Variants in RBFOX1 observed in about 807,000 individuals in gnomAD.
The protein encoded by RBFOX1 is RNA binding fox-1 homolog 1.
A neutral mutation model predicts 57.7 loss-of-function variants in RBFOX1; 8 were observed. The observed-to-expected ratio is 0.14, with a 90% CI of 0.08 to 0.25. The LOEUF is 0.25. RBFOX1 is among the 10% of genes least tolerant of loss of function. The probability of loss-of-function intolerance (pLI) is 1.00; values close to 1 mark genes in which losing one functional copy is unlikely to be tolerated. For synonymous variants in RBFOX1, 326 were observed against 222.4 expected, an observed-to-expected ratio of 1.47 and a Z score of -4.15; for missense variants, 611 against 548.5, an observed-to-expected ratio of 1.11 and a Z score of -1.14.
chr16:5,848,726 C>A (rs918728625), intron 3 of RBFOX1, among the ~76,000 whole-genome samples: 1 of 152,190 alleles, frequency 6.6e-6, no homozygotes, highest in East Asian at 1.9e-4. Flanking sequence ...GTGGGTGGAT[C>A]ACCTGAGGTC....
chr16:6,498,650 A>T (rs980752485), intron 2 of RBFOX1, among the ~76,000 whole-genome samples: 3 of 152,184 alleles, frequency 2.0e-5, no homozygotes, highest in African/African-American at 7.2e-5. Flanking sequence ...TGCCCATATT[A>T]AGGACTTCGA....
At chr16:7,338,224 A>G (rs1404078984) in intron 4 of RBFOX1, among the ~76,000 whole-genome samples, 1 of 150,974 alleles carries the variant, frequency 6.6e-6, no homozygotes, top group African/African-American at 2.4e-5. Flanking sequence ...AAGCATGGCA[A>G]TTATCATTTA....
chr16:5,663,894 C>T (rs1012623859), intron 3 of RBFOX1, among the ~76,000 whole-genome samples: 1 of 152,136 alleles, frequency 6.6e-6, no homozygotes, highest in African/African-American at 2.4e-5. Flanking sequence ...CCTTGATGCT[C>T]CTATTTTTGT....
intron 3 of RBFOX1, among the ~76,000 whole-genome samples, chr16:5,628,660 T>G (rs2048413799): frequency 6.6e-6 from 1 of 152,230 alleles, no homozygotes; most frequent in South Asian, 2.1e-4. Context: ...GCTGCTGGGA[T>G]AAATGATGGA....
chr16:5,918,348 G>T (rs551168566), intron 4 of RBFOX1, among the ~76,000 whole-genome samples: 1 of 152,264 alleles, frequency 6.6e-6, no homozygotes, highest in African/African-American at 2.4e-5. Flanking sequence ...TCGAACTTCT[G>T]ACCTCAGGTG....
chr16:6,228,705 G>A (rs1396196535), intron 1 of RBFOX1, among the ~76,000 whole-genome samples: 2 of 152,092 alleles, frequency 1.3e-5, no homozygotes, highest in African/African-American at 2.4e-5. Flanking sequence ...TCAGGTAGGC[G>A]GGAGGAGTAA....
intron 2 of RBFOX1, among the ~76,000 whole-genome samples, chr16:6,447,677 C>T (rs904608883): frequency 6.6e-6 from 1 of 152,124 alleles, no homozygotes. Context: ...TGATAACAAG[C>T]GTTAAAAATT....
intron 1 of RBFOX1, among the ~76,000 whole-genome samples, chr16:5,301,099 C>T (rs948292718): frequency 2.0e-5 from 3 of 152,192 alleles, no homozygotes; most frequent in Admixed American, 6.5e-5. Flanking sequence ...ATGAATAGAA[C>T]ATGGAGAAAA....
chr16:6,546,457 A>G (rs1363183878), intron 2 of RBFOX1, among the ~76,000 whole-genome samples: 2 of 152,190 alleles, frequency 1.3e-5, no homozygotes, highest in Non-Finnish European at 2.9e-5. Flanking sequence ...CTGTAAGGGA[A>G]TTCTGCCTTG....
At chr16:7,095,500 A>T (rs1436634338) in intron 4 of RBFOX1, among the ~76,000 whole-genome samples, 2 of 152,140 alleles carry the variant, frequency 1.3e-5, no homozygotes, top group Non-Finnish European at 2.9e-5. Flanking sequence ...TTTATCTGTG[A>T]TGTGGAGTTG....
intron 4 of RBFOX1, among the ~76,000 whole-genome samples, chr16:7,262,863 G>C (rs1475508625): frequency 6.6e-6 from 1 of 152,236 alleles, no homozygotes; most frequent in African/African-American, 2.4e-5. Context: ...TCATAGATAG[G>C]ACAAGAGAGA....
intron 3 of RBFOX1, among the ~76,000 whole-genome samples, chr16:6,839,445 A>T (rs1158206254): frequency 6.6e-6 from 1 of 152,174 alleles, no homozygotes; most frequent in Non-Finnish European, 1.5e-5. Context: ...GAAATTTAAC[A>T]TGCTTCTGCT....
At chr16:5,267,463 A>G (rs2062889213) in intron 1 of RBFOX1, among the ~76,000 whole-genome samples, 1 of 151,908 alleles carries the variant, frequency 6.6e-6, no homozygotes, top group South Asian at 2.1e-4. Context: ...ATGCCTGGCT[A>G]ATTTTTGTAT....
chr16:7,602,124 G>A (rs2095056299), intron 9 of RBFOX1, among the ~76,000 whole-genome samples: 1 of 152,204 alleles, frequency 6.6e-6, no homozygotes, highest in Non-Finnish European at 1.5e-5. Flanking sequence ...GAAAGCCTGT[G>A]CTGATGTTTT....
At chr16:6,058,346 C>G (rs140412363) in intron 1 of RBFOX1, among the ~76,000 whole-genome samples, 312 of 151,864 alleles carry the variant, frequency 2.1e-3, no homozygotes, top group Non-Finnish European at 2.8e-3. Context: ...CCTCTCCTTC[C>G]TCCCTCTCCT....
At chr16:6,894,802 G>A (rs923469806) in intron 3 of RBFOX1, among the ~76,000 whole-genome samples, 7 of 152,204 alleles carry the variant, frequency 4.6e-5, no homozygotes, top group African/African-American at 1.7e-4. Flanking sequence ...GTTTGTAATT[G>A]TATTTTATCA....
rs529240060 is a variant in RBFOX1, at chr16:6,450,045, C to G, written c.-64+132988C>G. On this transcript the variant is annotated intron_variant, in intron 2 of 15. Transcript: ENST00000550418. ...ATTTGGGGTAATATTAGGAGCCCAT[C>G]TTTAAGGAGATAGTAAGAAACAGGC... 3.3e-5 allele frequency among the ~76,000 whole-genome samples: 5 copies of G among 152,220 alleles called. No individual in the cohort carries two copies. In the East Asian group the frequency reaches 7.7e-4, roughly 24 times the overall value.
chr16:6,734,544 C>G (rs921557340), intron 3 of RBFOX1, among the ~76,000 whole-genome samples: 6 of 150,654 alleles, frequency 4.0e-5, no homozygotes, highest in African/African-American at 1.2e-4. Flanking sequence ...ACAAATGGCC[C>G]AACTAGGAGT....
At chr16:6,486,948 C>T (rs28463988) in intron 2 of RBFOX1, among the ~76,000 whole-genome samples, 440 of 152,226 alleles carry the variant, frequency 2.9e-3, no homozygotes, top group African/African-American at 0.01. Context: ...TGAACCCCCT[C>T]TTCTTGCACG....
Sources: gnomAD v4.1 joint callset for allele counts (sites outside exome capture counted in the v4.1 genomes callset) on GRCh38, gnomAD v4.1.1 for gene constraint, MANE v1.5 for transcripts, NCBI Gene and HGNC (gene_info 2026-07-23, HGNC 2026-07-21) for gene names.